Variants in NWD2 observed in about 807,000 individuals in gnomAD.
NWD2 encodes the protein NACHT and WD repeat domain-containing protein 2.
NWD2 carries 37 observed loss-of-function variants against 132.7 expected under a neutral mutation model. The observed-to-expected ratio is 0.28, with a 90% confidence interval of 0.21 to 0.37. NWD2 has a LOEUF of 0.37. Among genes scored for constraint, NWD2 ranks in the 10% least tolerant of loss-of-function variants. NWD2 has a pLI of 1.00. For missense variants in NWD2, 1,592 were observed against 2,122.4 expected, an observed-to-expected ratio of 0.75 and a Z score of 4.91; for synonymous variants, 705 against 803.0, an observed-to-expected ratio of 0.88 and a Z score of 2.06.
At position 37,447,267 on chromosome 4, in the gene NWD2, A is replaced by G. The variant is rs1404379554; in HGVS notation, c.*50A>G. The G allele has an allele frequency of 1.4e-5, 17 of 1,251,088 alleles. No individual in the cohort carries two copies. The highest frequency in any genetic ancestry group is 3.1e-5 in the African/African-American group (2 of 64,892). The allele number at this position is 1,251,088 out of a possible 1,614,324, so 77.5% of individuals were successfully genotyped here. The stretch of plus-strand genomic sequence containing the variant: ...AATATGTGATCCACGTACAGAAGGG[A>G]AAAAAATGTGCCCCAAATGATAAAC... On this transcript the variant is annotated 3_prime_UTR_variant, in exon 7 of 7. Transcript: ENST00000309447.
At chr4:37,419,162 T>C (rs1711732375) in intron 3 of NWD2, among the ~76,000 whole-genome samples, 1 of 152,168 alleles carries the variant, frequency 6.6e-6, no homozygotes, top group African/African-American at 2.4e-5. Context: ...ATATTCCCTA[T>C]TTAATAAATG....
At chr4:37,430,451 CT>C in intron 3 of NWD2, 120 bp from the exon 4 acceptor site, 1 of 720,174 alleles carries the variant, frequency 1.4e-6, no homozygotes, top group Admixed American at 2.7e-5. Flanking sequence ...AAAGAGAAAA[CT>C]GATGGAGCAA....
chr4:37,254,569 A>G (rs1412370148), intron 1 of NWD2, among the ~76,000 whole-genome samples: 1 of 152,232 alleles, frequency 6.6e-6, no homozygotes, highest in Non-Finnish European at 1.5e-5. Context: ...CAATCAGTGT[A>G]GAAGGAAATG....
intron 2 of NWD2, among the ~76,000 whole-genome samples, chr4:37,344,810 TA>T (rs1411714475): frequency 6.6e-6 from 1 of 152,182 alleles, no homozygotes; most frequent in Non-Finnish European, 1.5e-5. Context: ...AAATCAATTT[TA>T]GAACATTTTC....
In NWD2 at chr4:37,446,471, G is replaced by A. The variant is rs567881077; in HGVS notation, c.4483G>A (p.Val1495Met). 57 of 1,551,686 alleles carry A rather than the reference G, an allele frequency of 3.7e-5. No individual in the cohort carries two copies. The South Asian group carries it at 5.7e-4, about 16-fold the overall frequency. ...AATCCCTGACTGTCCTGATATCATC[G>A]TGTTTATCACATCGGCCGAGACTGT... Reference protein sequence around the residue: ...KLIPDCPDIIVFITSAETVNI... With the variant: ...KLIPDCPDIIMFITSAETVNI... The change falls in exon 7 of 7, where the codon GTG becomes ATG. Residue 1495 changes from valine (V) to methionine (M), a missense_variant. Physicochemically the swap from Val to Met is conservative, Grantham distance 21 (BLOSUM62 1). Coordinates refer to ENST00000309447, the MANE Select transcript of NWD2 (RefSeq NM_001144990.2). The surrounding 1 kb of genome is among the most constrained non-coding windows in gnomAD (Gnocchi z 6.7).
rs71185140 is a variant in NWD2, at chr4:37,432,364, GAAAAAA to G, written c.562-1499_562-1494del. On this transcript the variant is annotated intron_variant, in intron 4 of 6. Coordinates refer to ENST00000309447, the MANE Select transcript of NWD2 (RefSeq NM_001144990.2). Reference sequence around the variant, plus strand: ...GAATAATACATGTGAGGGTGAAGAAGAAAAAAAAAAAAAAAAAATCAAGAAAATTGA... The same window carrying G: ...GAATAATACATGTGAGGGTGAAGAAGAAAAAAAAAAAATCAAGAAAATTGA... Among the ~76,000 whole-genome samples the G allele has an allele frequency of 8.0e-3, 1,114 of 138,622 alleles. 11 individuals carry two copies. The highest frequency in any genetic ancestry group is 0.027 in the African/African-American group (1,034 of 38,034). The allele number at this position is 138,622 out of a possible 152,430, so 90.9% of individuals were successfully genotyped here. A position where few individuals can be genotyped will look rare whatever the true frequency, so the allele number is the denominator to read the frequency against.
intron 3 of NWD2, among the ~76,000 whole-genome samples, chr4:37,413,999 A>G (rs1471010722): frequency 6.6e-6 from 1 of 152,128 alleles, no homozygotes; most frequent in African/African-American, 2.4e-5. Context: ...GAGGGATAGC[A>G]TTAGGAGAAA....
chr4:37,319,903 A>G (rs1303533683), intron 1 of NWD2, among the ~76,000 whole-genome samples: 1 of 152,168 alleles, frequency 6.6e-6, no homozygotes, highest in Admixed American at 6.6e-5. Context: ...GAAGTCAGGT[A>G]ATGTGATCCC....
At chr4:37,259,480 T>C (rs994550195) in intron 1 of NWD2, among the ~76,000 whole-genome samples, 103 of 152,274 alleles carry the variant, frequency 6.8e-4, no homozygotes, top group African/African-American at 2.4e-3. Context: ...TGGCATGAAG[T>C]GTCTTCCTCG....
At chr4:37,412,354 C>A (rs1721177968) in intron 3 of NWD2, among the ~76,000 whole-genome samples, 1 of 151,694 alleles carries the variant, frequency 6.6e-6, no homozygotes, top group African/African-American at 2.4e-5. Context: ...GACAAACAGC[C>A]AAATCATGAG....
At chr4:37,387,791 C>T (rs1478895239) in intron 3 of NWD2, among the ~76,000 whole-genome samples, 1 of 150,786 alleles carries the variant, frequency 6.6e-6, no homozygotes, top group Non-Finnish European at 1.5e-5. Context: ...TCTCCCGCCT[C>T]AGCCTACTGA....
At chr4:37,330,075 T>A (rs1422698155) in intron 2 of NWD2, among the ~76,000 whole-genome samples, 1 of 152,228 alleles carries the variant, frequency 6.6e-6, no homozygotes, top group African/African-American at 2.4e-5. Context: ...TCAATTAAAT[T>A]AATACGCATT....
chr4:37,434,490 A>C (rs748525386), intron 5 of NWD2, among the ~76,000 whole-genome samples: 6 of 152,208 alleles, frequency 3.9e-5, no homozygotes, highest in Non-Finnish European at 7.3e-5. Context: ...GTAATCAAAT[A>C]AATGAACAAG....
chr4:37,397,214 C>T (rs375584601), intron 3 of NWD2, among the ~76,000 whole-genome samples: 4 of 152,060 alleles, frequency 2.6e-5, no homozygotes, highest in African/African-American at 7.2e-5. Context: ...GTTGCAATAG[C>T]CTATTGCCCT....
intron 3 of NWD2, among the ~76,000 whole-genome samples, chr4:37,416,296 G>A (rs1187284205): frequency 1.3e-5 from 2 of 152,002 alleles, no homozygotes; most frequent in Non-Finnish European, 2.9e-5. Context: ...TCTGAGCATG[G>A]AACTTATATT....
intron 3 of NWD2, among the ~76,000 whole-genome samples, chr4:37,368,390 G>C (rs945047484): frequency 6.6e-6 from 1 of 152,164 alleles, no homozygotes; most frequent in East Asian, 1.9e-4. Flanking sequence ...TTCCATTGTT[G>C]TCCAATAAAA....
intron 3 of NWD2, among the ~76,000 whole-genome samples, chr4:37,414,543 G>A (rs1367281850): frequency 6.6e-6 from 1 of 151,564 alleles, no homozygotes; most frequent in Non-Finnish European, 1.5e-5. Context: ...ACAAGACTCT[G>A]CTAAAGCCAT....
Position 37,386,418 on chromosome 4 carries a change from A to G in NWD2, c.357+29936A>G, listed in dbSNP as rs559189643. Among the ~76,000 whole-genome samples, 264 of 152,218 alleles carry G rather than the reference A, an allele frequency of 1.7e-3. 3 individuals carry two copies. The South Asian group carries it at 0.023, about 13-fold the overall frequency. ...GGCATCCTTTTTCTACCCAAGCCCT[A>G]AATGTTGGAGTGTCCCAGGGTAGGT... On this transcript the variant is annotated intron_variant, in intron 3 of 6. Coordinates refer to ENST00000309447, the MANE Select transcript of NWD2 (RefSeq NM_001144990.2).
chr4:37,410,204 C>T (rs934529517), intron 3 of NWD2, among the ~76,000 whole-genome samples: 1 of 152,122 alleles, frequency 6.6e-6, no homozygotes, highest in African/African-American at 2.4e-5. Context: ...AAGACACAGA[C>T]TGGCAAATTG....
Sources: gnomAD v4.1 joint callset for allele counts (sites outside exome capture counted in the v4.1 genomes callset) on GRCh38, gnomAD v4.1.1 for gene constraint, Gnocchi (gnomAD v3.1) non-coding constraint, MANE v1.5 for transcripts, NCBI Gene and HGNC (gene_info 2026-07-23, HGNC 2026-07-21) for gene names.